RALA: variants seen among roughly 807,000 people sequenced by gnomAD.
RALA encodes RAS like proto-oncogene A, also known as ras-related protein Ral-A.
Under a neutral mutation model 24.0 loss-of-function variants are expected in RALA, and 5 were observed. That is an observed-to-expected ratio of 0.21 (90% CI 0.11 to 0.44). The LOEUF (loss-of-function observed/expected upper bound fraction) is 0.44. RALA is among the 20% of genes least tolerant of loss of function. The pLI, the probability that RALA is intolerant of heterozygous loss-of-function variation, is 0.99. For synonymous variants in RALA, 77 were observed against 83.8 expected (o/e 0.92, Z 0.44); for missense variants, 95 against 241.2 (o/e 0.39, Z 4.01).
intron 1 of RALA, among the ~76,000 whole-genome samples, chr7:39,643,403 G>A (rs565817061): frequency 6.6e-6 from 1 of 152,262 alleles, no homozygotes; most frequent in South Asian, 2.1e-4. Context: ...GATCAGCGGG[G>A]GACAACTATG....
At chr7:39,643,688 T>TCTA (rs1250933818) in intron 1 of RALA, among the ~76,000 whole-genome samples, 1 of 152,018 alleles carries the variant, frequency 6.6e-6, no homozygotes, top group African/African-American at 2.4e-5. Context: ...AAACCCCGTC[T>TCTA]CTACTAAAAA....
chr7:39,687,991 G>A (rs896714893), intron 2 of RALA, among the ~76,000 whole-genome samples: 2 of 151,796 alleles, frequency 1.3e-5, no homozygotes. Context: ...TGCCCAGGGC[G>A]ATCCTCCCAC....
At position 39,688,909 on chromosome 7, in the gene RALA, G is replaced by A. The variant is rs1197628435; in HGVS notation, c.115-1473G>A. On this transcript the variant is annotated intron_variant, in intron 2 of 4. Coordinates refer to ENST00000005257, the MANE Select transcript of RALA (RefSeq NM_005402.4). Reference sequence around the variant, plus strand: ...AGGCTTCAGGAGACCTGCAATTGTGGCAGAGGGTGAAGGGAAAGCAAGTGC... The same window carrying A: ...AGGCTTCAGGAGACCTGCAATTGTGACAGAGGGTGAAGGGAAAGCAAGTGC... 5.3e-5 allele frequency among the ~76,000 whole-genome samples: 8 copies of A among 152,308 alleles called. No individual in the cohort carries two copies. The East Asian group carries it at 1.5e-3, about 29-fold the overall frequency.
At chr7:39,678,386 T>C (rs1363445844) in intron 1 of RALA, among the ~76,000 whole-genome samples, 1 of 152,126 alleles carries the variant, frequency 6.6e-6, no homozygotes. Context: ...CACAGTGCCT[T>C]ACGTAGTAAG....
chr7:39,647,514 GTCCTGCATTTGAAT>G (rs1562610767), intron 1 of RALA, among the ~76,000 whole-genome samples: 1 of 152,208 alleles, frequency 6.6e-6, no homozygotes, highest in African/African-American at 2.4e-5. Flanking sequence ...GAGTTTCATA[GTCCTGCATTTGAAT>G]TCCAGCTTAT....
intron 4 of RALA, among the ~76,000 whole-genome samples, chr7:39,698,022 A>C (rs1792954114): frequency 6.6e-6 from 1 of 151,750 alleles, no homozygotes; most frequent in South Asian, 2.1e-4. Flanking sequence ...TATTTCTCAC[A>C]GTTCTGGAGG....
chr7:39,704,453 G>C (rs1793082564), intron 4 of RALA, among the ~76,000 whole-genome samples: 1 of 151,208 alleles, frequency 6.6e-6, no homozygotes, highest in Admixed American at 6.6e-5. Context: ...GAGTAGCTGG[G>C]ATTACAGGCA....
At chr7:39,677,275 A>G (rs941935649) in intron 1 of RALA, among the ~76,000 whole-genome samples, 3 of 152,020 alleles carry the variant, frequency 2.0e-5, no homozygotes, top group African/African-American at 7.2e-5. Context: ...TCATTGTTCA[A>G]TTCCCACCTA....
intron 1 of RALA, among the ~76,000 whole-genome samples, chr7:39,657,490 A>G (rs1348551696): frequency 2.0e-5 from 3 of 152,220 alleles, no homozygotes; most frequent in Non-Finnish European, 4.4e-5. Flanking sequence ...AAAGAAATAG[A>G]CTAGTATACT....
chr7:39,628,025 T>C (rs1042120832), intron 1 of RALA, among the ~76,000 whole-genome samples: 19 of 152,076 alleles, frequency 1.2e-4, no homozygotes, highest in African/African-American at 4.6e-4. Context: ...TCTTCTTGGA[T>C]GATCTTTTGT....
At position 39,702,391 on chromosome 7, in the gene RALA, T is replaced by A. The variant is rs574984355; in HGVS notation, c.499-3732T>A. On this transcript the variant is annotated intron_variant, in intron 4 of 4. Coordinates refer to ENST00000005257, the MANE Select transcript of RALA (RefSeq NM_005402.4). ...ATATATATACACACACGTAATATAT[T>A]TTGTATCTGTATATATAGAGCATAT... 2.0e-5 allele frequency among the ~76,000 whole-genome samples: 3 copies of A among 152,342 alleles called. No individual in the cohort carries two copies. The South Asian group carries it at 6.2e-4, about 32-fold the overall frequency.
chr7:39,660,036 A>ATT (rs970586754), intron 1 of RALA, among the ~76,000 whole-genome samples: 10 of 151,034 alleles, frequency 6.6e-5, no homozygotes, highest in African/African-American at 1.9e-4. Flanking sequence ...CTTTAAAAAA[A>ATT]TTTTTTTTTT....
At chr7:39,652,246 T>G (rs1792029501) in intron 1 of RALA, among the ~76,000 whole-genome samples, 1 of 152,152 alleles carries the variant, frequency 6.6e-6, no homozygotes. Flanking sequence ...CCTCTTATGG[T>G]TTACTCACTT....
At position 39,707,115 on chromosome 7, in the gene RALA, T is replaced by G. The variant is rs1420938689; in HGVS notation, c.*870T>G. 6.6e-6 allele frequency: 1 copy of G among 152,640 alleles called. No homozygotes were observed. The allele number at this position is 152,640 out of a possible 1,614,324, so 9.5% of individuals were successfully genotyped here. ...TAAATGAAGGGCCAGCATATATACT[T>G]GCAAGATAATTTTCAGCTGCAAGGA... On this transcript the variant is annotated 3_prime_UTR_variant, in exon 5 of 5. Coordinates refer to ENST00000005257, the MANE Select transcript of RALA (RefSeq NM_005402.4).
intron 2 of RALA, 120 bp from the exon 3 acceptor site, chr7:39,690,262 C>A: frequency 1.3e-6 from 1 of 763,176 alleles, no homozygotes; most frequent in Non-Finnish European, 2.0e-6. Flanking sequence ...GGAATCTGGG[C>A]AAAGGGTATA....
chr7:39,684,405 C>T (rs1340201663), intron 1 of RALA, among the ~76,000 whole-genome samples: 1 of 152,082 alleles, frequency 6.6e-6, no homozygotes, highest in Non-Finnish European at 1.5e-5. Flanking sequence ...GCTAAATGGA[C>T]AGTAGGATTA....
Position 39,706,323 on chromosome 7 carries a change from G to T in RALA, c.*78G>T, listed in dbSNP as rs536117879. The stretch of plus-strand genomic sequence containing the variant: ...AAGCATTGCCATTGAAGGCTTAATT[G>T]ACTGAAATTACTTTAACATTTTGGA... On this transcript the variant is annotated 3_prime_UTR_variant, in exon 5 of 5. Transcript: ENST00000005257. 7.7e-6 allele frequency: 11 copies of T among 1,426,332 alleles called. No individual in the cohort carries two copies. In the South Asian group the frequency reaches 1.4e-4, roughly 18 times the overall value. 88.4% of individuals were successfully genotyped at this position (1,426,332 alleles called of 1,614,324 possible). A position where few individuals can be genotyped will look rare whatever the true frequency, so the allele number is the denominator to read the frequency against.
At chr7:39,657,188 A>G (rs1219595495) in intron 1 of RALA, among the ~76,000 whole-genome samples, 2 of 152,064 alleles carry the variant, frequency 1.3e-5, no homozygotes, top group Admixed American at 6.5e-5. Flanking sequence ...CTGGTCTTGA[A>G]CTGCTGACCT....
chr7:39,674,613 G>A (rs1385148933), intron 1 of RALA, among the ~76,000 whole-genome samples: 1 of 152,108 alleles, frequency 6.6e-6, no homozygotes, highest in African/African-American at 2.4e-5. Flanking sequence ...AGCTTTCCCT[G>A]TGCTCTGAGA....
Sources: gnomAD v4.1 joint callset for allele counts (sites outside exome capture counted in the v4.1 genomes callset) on GRCh38, gnomAD v4.1.1 for gene constraint, MANE v1.5 for transcripts, NCBI Gene and HGNC (gene_info 2026-07-23, HGNC 2026-07-21) for gene names.